The following KLHL18 variants were observed in gnomAD, a reference collection of about 807,000 sequenced individuals.
KLHL18 encodes the protein kelch like family member 18, also known as kelch-like protein 18.
KLHL18 carries 38 observed loss-of-function variants against 58.5 expected under a neutral mutation model. The ratio of observed to expected loss-of-function variants is 0.65; its 90% CI spans 0.50 to 0.85. The LOEUF (loss-of-function observed/expected upper bound fraction) is 0.85. KLHL18 is among the 40% of genes least tolerant of loss of function. The pLI, the probability that KLHL18 is intolerant of heterozygous loss-of-function variation, is 0.00. For missense variants in KLHL18, 624 were observed against 778.4 expected (o/e 0.80, Z 2.36); for synonymous variants, 303 against 301.9 (o/e 1.00, Z -0.04).
chr3:47,291,201 G>A (rs1702784580), intron 1 of KLHL18, among the ~76,000 whole-genome samples: 1 of 152,244 alleles, frequency 6.6e-6, no homozygotes, highest in African/African-American at 2.4e-5. Context: ...GTTGATGGAA[G>A]ATGAGACCAC....
At chr3:47,288,318 G>C (rs1295820165) in intron 1 of KLHL18, among the ~76,000 whole-genome samples, 1 of 152,088 alleles carries the variant, frequency 6.6e-6, no homozygotes, top group East Asian at 1.9e-4. Flanking sequence ...AAAGGGAAGG[G>C]ACTTACTCAA....
chr3:47,294,865 AGAT>A (rs1232877270), intron 1 of KLHL18, among the ~76,000 whole-genome samples: 2 of 152,082 alleles, frequency 1.3e-5, no homozygotes, highest in Admixed American at 6.6e-5. Context: ...GGTTTAGGAG[AGAT>A]GATGATAATG....
Position 47,334,949 on chromosome 3 carries a change from T to C in KLHL18, c.898+130T>C. 3 of 896,920 alleles carry C rather than the reference T, an allele frequency of 3.3e-6. No individual in the cohort carries two copies. The highest frequency in any genetic ancestry group is 5.0e-6 in the Non-Finnish European group (3 of 597,734). The allele number at this position is 896,920 out of a possible 1,614,324, so 55.6% of individuals were successfully genotyped here. On this transcript the variant is annotated intron_variant, in intron 6 of 9. Transcript: ENST00000232766. The surrounding 1 kb of genome is among the most constrained non-coding windows in gnomAD (Gnocchi z 4.7). ...ACCACCCTTGCCCCTCTTGATTTTA[T>C]ACAATTGCTCTACAGTTAGAGCATG...
rs1382263938 is a variant in KLHL18 at position 47,333,306 on chromosome 3, C to T, written c.750C>T (p.Cys250=). 5 of 1,613,444 alleles carry T rather than the reference C, an allele frequency of 3.1e-6. No homozygotes were observed. Among genetic ancestry groups the T allele is most frequent in the Non-Finnish European group, 4.2e-6 (5 of 1,179,666 alleles). ...RVQQDDLVRC[C]HKCRDLVDEA... is the part of the protein sequence containing the mutation. ...AGCAGGATGACCTGGTGCGTTGCTG[C>T]CACAAATGCAGGTGAGTGAGGGTGG... Residue 250 remains cysteine (C), a synonymous_variant, in exon 5 of 10, where the codon TGC becomes TGT. Transcript: ENST00000232766.
intron 3 of KLHL18, among the ~76,000 whole-genome samples, 187 bp downstream of exon 3, chr3:47,322,895 T>C (rs1703621905): frequency 6.6e-6 from 1 of 152,184 alleles, no homozygotes; most frequent in African/African-American, 2.4e-5. Flanking sequence ...GATGAATTTT[T>C]TCAGAACATG....
At chr3:47,325,698 G>T (rs1703701898) in intron 3 of KLHL18, among the ~76,000 whole-genome samples, 1 of 151,938 alleles carries the variant, frequency 6.6e-6, no homozygotes, top group Non-Finnish European at 1.5e-5. Context: ...ACTTTTTCTG[G>T]TGGCCCTATT....
In KLHL18 at chr3:47,343,973, C is replaced by T. The variant is rs1322201255; in HGVS notation, c.*32C>T. ...GGATGGGATGTGGTGGGGCAGGGAT[C>T]TGGTACAGACATAGGCGCTTCCTTC... On this transcript the variant is annotated 3_prime_UTR_variant, in exon 10 of 10. Coordinates refer to ENST00000232766, the MANE Select transcript of KLHL18 (RefSeq NM_025010.5). 1.2e-6 allele frequency: 2 copies of T among 1,606,372 alleles called. No homozygotes were observed. The highest frequency in any genetic ancestry group is 3.4e-5 in the Admixed American group (2 of 58,852).
chr3:47,340,439 G>T, intron 7 of KLHL18, 133 bp from the exon 8 acceptor site: 3 of 1,334,450 alleles, frequency 2.2e-6, no homozygotes, highest in African/African-American at 1.4e-5. Context: ...TCAGTTTTAT[G>T]CCTTTACTTA....
intron 1 of KLHL18, among the ~76,000 whole-genome samples, chr3:47,293,823 T>C (rs1702840030): frequency 6.6e-6 from 1 of 152,228 alleles, no homozygotes; most frequent in Non-Finnish European, 1.5e-5. Flanking sequence ...TTGTTTCCTC[T>C]GTGTTAGGGG....
Position 47,288,220 on chromosome 3 carries a change from C to CAAA in KLHL18, c.129+5148_129+5150dup, listed in dbSNP as rs768468646. ...TGGGGACAGAGTGAGACTCTGTCTCCAAAAAAAAAAAAAAAAAAAAAAAAG... is the reference window on the plus strand; with the variant it reads ...TGGGGACAGAGTGAGACTCTGTCTCCAAAAAAAAAAAAAAAAAAAAAAAAAAAG... On this transcript the variant is annotated intron_variant, in intron 1 of 9. Coordinates refer to ENST00000232766, the MANE Select transcript of KLHL18 (RefSeq NM_025010.5). Among the ~76,000 whole-genome samples the CAAA allele has an allele frequency of 6.3e-4, 28 of 44,532 alleles. 1 individual carries two copies. The highest frequency in any genetic ancestry group is 7.9e-4 in the African/African-American group (10 of 12,602). 29.2% of individuals were successfully genotyped at this position (44,532 alleles called of 152,430 possible).
At chr3:47,315,999 C>T (rs1408627063) in intron 1 of KLHL18, among the ~76,000 whole-genome samples, 1 of 151,798 alleles carries the variant, frequency 6.6e-6, no homozygotes, top group East Asian at 1.9e-4. Flanking sequence ...CACTGATAGA[C>T]CAAATGAAAG....
At position 47,333,174 on chromosome 3, in the gene KLHL18, G is replaced by A. The variant is rs753237237; in HGVS notation, c.618G>A (p.Leu206=). The A allele has an allele frequency of 6.8e-6, 11 of 1,613,792 alleles. No homozygotes were observed. The Middle Eastern group carries it at 8.3e-4, about 121-fold the overall frequency. ...KSEEQVFEAA[L]AWVRYDREQR... ...CATGACAGGTCTTTGAAGCTGCATT[G>A]GCCTGGGTCAGATACGACCGGGAGC... The change falls in exon 5 of 10, where the codon TTG becomes TTA. Residue 206 remains leucine (L), a synonymous_variant. Transcript: ENST00000232766.
chr3:47,333,557 C>T (rs1461564217), intron 5 of KLHL18, among the ~76,000 whole-genome samples: 1 of 152,232 alleles, frequency 6.6e-6, no homozygotes, highest in Non-Finnish European at 1.5e-5. Context: ...CTTTCCCCTG[C>T]TGAGTTATCT....
At chr3:47,338,957 T>A (rs1704046021) in intron 7 of KLHL18, 1 of 152,262 alleles carries the variant, frequency 6.6e-6, no homozygotes, top group South Asian at 2.1e-4. Context: ...TGTGCTGAAT[T>A]CCTTATAAGG....
Position 47,283,110 on chromosome 3 carries a change from C to T in KLHL18, c.129+16C>T, listed in dbSNP as rs369425483. ...GACCCTCAAGGTACCGCGGACTGGG[C>T]GGCAGCGGGCTGAGGGAAAAGGGGT... On this transcript the variant is annotated intron_variant, in intron 1 of 9. Transcript: ENST00000232766. The T allele has an allele frequency of 1.3e-6, 2 of 1,521,288 alleles. No homozygotes were observed. The highest frequency in any genetic ancestry group is 2.0e-5 in the Admixed American group (1 of 49,906). 94.2% of individuals were successfully genotyped at this position (1,521,288 alleles called of 1,614,324 possible).
At chr3:47,302,115 T>A (rs1412867985) in intron 1 of KLHL18, among the ~76,000 whole-genome samples, 1 of 152,222 alleles carries the variant, frequency 6.6e-6, no homozygotes, top group Non-Finnish European at 1.5e-5. Flanking sequence ...AACACATATT[T>A]TGTATGTTAT....
rs1004657391 is a variant in KLHL18, at chr3:47,343,905, G to A, written c.1689G>A (p.Gly563=). 1.2e-5 allele frequency: 19 copies of A among 1,614,058 alleles called. No individual in the cohort carries two copies. Among genetic ancestry groups the A allele is most frequent in the Admixed American group, 5.0e-5 (3 of 60,028 alleles). The part of the protein sequence containing the change: ...FMAPMACHEG[G]VGVGCIPLLT... ...CCCCCATGGCGTGCCATGAGGGAGGGGTCGGTGTGGGCTGCATCCCTCTCC... is the reference window on the plus strand; with the variant it reads ...CCCCCATGGCGTGCCATGAGGGAGGAGTCGGTGTGGGCTGCATCCCTCTCC... The change falls in exon 10 of 10, where the codon GGG becomes GGA. Residue 563 remains glycine, a synonymous_variant. Transcript: ENST00000232766.
chr3:47,308,819 G>C (rs1189215681), intron 1 of KLHL18, among the ~76,000 whole-genome samples: 1 of 151,592 alleles, frequency 6.6e-6, no homozygotes, highest in Non-Finnish European at 1.5e-5. Flanking sequence ...TTCTCGCAGA[G>C]GGGGATTTGG....
At chr3:47,315,832 A>C (rs1471768093) in intron 1 of KLHL18, among the ~76,000 whole-genome samples, 1 of 152,250 alleles carries the variant, frequency 6.6e-6, no homozygotes, top group Admixed American at 6.5e-5. Context: ...CTGTCTCAGG[A>C]GAGATTTGAG....
Sources: allele counts gnomAD v4.1 joint callset (sites outside exome capture counted in the v4.1 genomes callset), GRCh38; gene constraint gnomAD v4.1.1; non-coding constraint Gnocchi (gnomAD v3.1); transcripts MANE v1.5; gene names NCBI Gene and HGNC (gene_info 2026-07-23, HGNC 2026-07-21).